The following RNF144B variants were observed in gnomAD, a reference collection of about 807,000 sequenced individuals.
The protein encoded by RNF144B is ring finger protein 144B, also known as E3 ubiquitin-protein ligase RNF144B.
Under a neutral mutation model 40.2 loss-of-function variants are expected in RNF144B, and 25 were observed. The ratio of observed to expected loss-of-function variants is 0.62; its 90% CI spans 0.45 to 0.87. The LOEUF (loss-of-function observed/expected upper bound fraction) is 0.87, where lower values mean the gene tolerates loss of function less well. Among genes scored for constraint, RNF144B ranks in the 40% least tolerant of loss-of-function variants. RNF144B has a pLI of 0.00. For synonymous variants in RNF144B, 145 were observed against 136.3 expected (o/e 1.06, Z -0.44); for missense variants, 365 against 373.7 (o/e 0.98, Z 0.19).
rs73377618 is a variant in RNF144B at position 18,425,135 on chromosome 6, C to T, written c.166-2446C>T. 9.4e-4 allele frequency among the ~76,000 whole-genome samples: 143 copies of T among 152,148 alleles called. No homozygotes were observed. Among genetic ancestry groups the T allele is most frequent in the African/African-American group, 3.3e-3 (136 of 41,512 alleles). The stretch of plus-strand genomic sequence containing the variant: ...TCCCTACTTTTTAAATTAAGGAAAG[C>T]AAGTCTAGGTCATAGGCTAAGTCAT... On this transcript the variant is annotated intron_variant, in intron 2 of 7. Transcript: ENST00000259939. The surrounding 1 kb of genome is among the most constrained non-coding windows in gnomAD (Gnocchi z 4.2).
rs1262370463 is a variant in RNF144B, at chr6:18,395,667, G to A, written c.-36-3832G>A. Among the ~76,000 whole-genome samples, 1 of 151,942 alleles carries A rather than the reference G, an allele frequency of 6.6e-6. No individual in the cohort carries two copies. The highest frequency in any genetic ancestry group is 2.4e-5 in the African/African-American group (1 of 41,342). On this transcript the variant is annotated intron_variant, in intron 1 of 7. Transcript: ENST00000259939. This position sits in a 1 kb window ranked among gnomAD's most constrained non-coding sequence, Gnocchi z 4.5. Reference sequence around the variant, plus strand: ...TTTTGCCCAAAGTGAGAAACGAAAGGGTTGGTTTTTAGTCTGTGCATGGTG... The same window carrying A: ...TTTTGCCCAAAGTGAGAAACGAAAGAGTTGGTTTTTAGTCTGTGCATGGTG...
chr6:18,443,084 A>G lies in RNF144B; in HGVS notation c.331+3340A>G, dbSNP rs1759000986. On this transcript the variant is annotated intron_variant, in intron 4 of 7. Transcript: ENST00000259939. This position sits in a 1 kb window ranked among gnomAD's most constrained non-coding sequence, Gnocchi z 4.7. ...GGGATCATGTGGTAATTTTACATTT[A>G]GTTTTTGAGGAACTGCCAAATTGTA... is the stretch of plus-strand genomic sequence containing the variant. Among the ~76,000 whole-genome samples the G allele has an allele frequency of 6.6e-6, 1 of 152,138 alleles. No individual in the cohort carries two copies. The highest frequency in any genetic ancestry group is 1.5e-5 in the Non-Finnish European group (1 of 68,018).
Position 18,442,110 on chromosome 6 carries a change from G to A in RNF144B, c.331+2366G>A, listed in dbSNP as rs562818806. On this transcript the variant is annotated intron_variant, in intron 4 of 7. Coordinates refer to ENST00000259939, the MANE Select transcript of RNF144B (RefSeq NM_182757.4). This position sits in a 1 kb window ranked among gnomAD's most constrained non-coding sequence, Gnocchi z 4.3. ...CGTTATGTGGGGCAAGGTAGATGTG[G>A]AAAATCATTGGCTAAGATTTCCACT... 1.3e-5 allele frequency among the ~76,000 whole-genome samples: 2 copies of A among 152,050 alleles called. No individual in the cohort carries two copies. The highest frequency in any genetic ancestry group is 6.5e-5 in the Admixed American group (1 of 15,282).
chr6:18,439,345 A>G (rs1758895586), intron 3 of RNF144B, among the ~76,000 whole-genome samples: 1 of 152,228 alleles, frequency 6.6e-6, no homozygotes, highest in African/African-American at 2.4e-5. Flanking sequence ...ATATAGAGAA[A>G]GGAAGCATCT....
chr6:18,455,177 G>A (rs1038652846), intron 4 of RNF144B, among the ~76,000 whole-genome samples: 5 of 152,140 alleles, frequency 3.3e-5, no homozygotes, highest in African/African-American at 1.2e-4. Context: ...GACTTCTTAA[G>A]GTTTTAGTGA....
intron 4 of RNF144B, among the ~76,000 whole-genome samples, chr6:18,440,642 A>C (rs1344292390): frequency 6.7e-6 from 1 of 150,180 alleles, no homozygotes; most frequent in Non-Finnish European, 1.5e-5. Flanking sequence ...TACCCTGAAA[A>C]ATAATTCTTA....
At chr6:18,454,704 C>G (rs993248227) in intron 4 of RNF144B, among the ~76,000 whole-genome samples, 3 of 152,058 alleles carry the variant, frequency 2.0e-5, no homozygotes, top group Non-Finnish European at 1.5e-5. Context: ...TACTAAGGTC[C>G]TTTCTTTATA....
In RNF144B at chr6:18,400,828, A is replaced by C. The variant is rs949189748; in HGVS notation, c.165+1129A>C. Among the ~76,000 whole-genome samples the C allele has an allele frequency of 1.3e-5, 2 of 152,128 alleles. No homozygotes were observed. Among genetic ancestry groups the C allele is most frequent in the Admixed American group, 1.3e-4 (2 of 15,274 alleles). Reference sequence around the variant, plus strand: ...CGTTGTGTAGGAGTTCAGGGCTTAGAGGATGTTGCTGTTTTAGGTAGGGGG... The same window carrying C: ...CGTTGTGTAGGAGTTCAGGGCTTAGCGGATGTTGCTGTTTTAGGTAGGGGG... On this transcript the variant is annotated intron_variant, in intron 2 of 7. Transcript: ENST00000259939. The surrounding 1 kb of genome is among the most constrained non-coding windows in gnomAD (Gnocchi z 5.6).
rs1476343123 is a variant in RNF144B, at chr6:18,458,662, T to C, written c.537-945T>C. Among the ~76,000 whole-genome samples, 4 of 152,180 alleles carry C rather than the reference T, an allele frequency of 2.6e-5. No individual in the cohort carries two copies. Among genetic ancestry groups the C allele is most frequent in the Non-Finnish European group, 4.4e-5 (3 of 68,028 alleles). On this transcript the variant is annotated intron_variant, in intron 5 of 7. Transcript: ENST00000259939. This position sits in a 1 kb window ranked among gnomAD's most constrained non-coding sequence, Gnocchi z 4.8. ...TATCTGTGTGTCTCATAGAAGCCAC[T>C]CAGCCTCTGTGAGTCTGTTTCCCTA...
intron 3 of RNF144B, among the ~76,000 whole-genome samples, chr6:18,439,355 T>C (rs1365421017): frequency 5.3e-5 from 8 of 152,206 alleles, no homozygotes; most frequent in Non-Finnish European, 1.0e-4. Flanking sequence ...AGGAAGCATC[T>C]TTAATACAGG....
intron 3 of RNF144B, among the ~76,000 whole-genome samples, chr6:18,432,271 G>T (rs1758711923): frequency 6.6e-6 from 1 of 152,170 alleles, no homozygotes; most frequent in African/African-American, 2.4e-5. Flanking sequence ...TTCAGATACT[G>T]AGGGATGACT....
At chr6:18,451,625 A>G (rs1436993238) in intron 4 of RNF144B, among the ~76,000 whole-genome samples, 2 of 152,326 alleles carry the variant, frequency 1.3e-5, no homozygotes, top group Admixed American at 6.5e-5. Context: ...GAATGTGACT[A>G]TAGAGGGATG....
At chr6:18,411,791 G>A (rs778962503) in intron 2 of RNF144B, among the ~76,000 whole-genome samples, 19 of 152,122 alleles carry the variant, frequency 1.2e-4, no homozygotes, top group Non-Finnish European at 2.2e-4. Context: ...ACCACGCCCA[G>A]CCCACCTGTA....
At position 18,406,250 on chromosome 6, in the gene RNF144B, G is replaced by A. The variant is rs1794901441; in HGVS notation, c.165+6551G>A. On this transcript the variant is annotated intron_variant, in intron 2 of 7. Coordinates refer to ENST00000259939, the MANE Select transcript of RNF144B (RefSeq NM_182757.4). The surrounding 1 kb of genome is among the most constrained non-coding windows in gnomAD (Gnocchi z 4.2). ...TGAGGGGGGTCAGGAGTGCTGTGGG[G>A]AAGAGGGACTTCTACTTTATTAGAT... 2.1e-6 allele frequency: 1 copy of A among 481,596 alleles called. No homozygotes were observed. The highest frequency in any genetic ancestry group is 1.5e-5 in the South Asian group (1 of 65,406). 29.8% of individuals were successfully genotyped at this position (481,596 alleles called of 1,614,324 possible). A position where few individuals can be genotyped will look rare whatever the true frequency, so the allele number is the denominator to read the frequency against.
intron 1 of RNF144B, chr6:18,396,459 G>A (rs1033597583): frequency 4.1e-6 from 4 of 983,206 alleles, no homozygotes; most frequent in East Asian, 2.3e-4. Context: ...TGGATTTCTC[G>A]AAGAGTACCT....
At position 18,398,835 on chromosome 6, in the gene RNF144B, A is replaced by G. The variant is rs1439137971; in HGVS notation, c.-36-664A>G. Among the ~76,000 whole-genome samples the G allele has an allele frequency of 5.3e-5, 8 of 152,154 alleles. No individual in the cohort carries two copies. Among genetic ancestry groups the G allele is most frequent in the Admixed American group, 5.2e-4 (8 of 15,280 alleles). ...GGTATATACCCGATTGCTGGATCAT[A>G]TGTTACCTCTTTGTTTAACTTTTTG... On this transcript the variant is annotated intron_variant, in intron 1 of 7. Transcript: ENST00000259939. The surrounding 1 kb of genome is among the most constrained non-coding windows in gnomAD (Gnocchi z 5.0).
chr6:18,451,718 A>T (rs1347867593), intron 4 of RNF144B, among the ~76,000 whole-genome samples: 1 of 152,250 alleles, frequency 6.6e-6, no homozygotes, highest in Non-Finnish European at 1.5e-5. Context: ...ATTTGAGTGG[A>T]TAGGAATGAG....
At chr6:18,449,961 A>G (rs1324065895) in intron 4 of RNF144B, among the ~76,000 whole-genome samples, 1 of 152,218 alleles carries the variant, frequency 6.6e-6, no homozygotes, top group Non-Finnish European at 1.5e-5. Flanking sequence ...AGTAGATGGA[A>G]AAACAAATTG....
chr6:18,432,395 A>G (rs1315067077), intron 3 of RNF144B, among the ~76,000 whole-genome samples: 2 of 152,318 alleles, frequency 1.3e-5, no homozygotes, highest in Middle Eastern at 6.8e-3. Flanking sequence ...TGAACACACT[A>G]GGAGCCAGGG....
Sources: gnomAD v4.1 joint callset for allele counts (sites outside exome capture counted in the v4.1 genomes callset) on GRCh38, gnomAD v4.1.1 for gene constraint, Gnocchi (gnomAD v3.1) non-coding constraint, MANE v1.5 for transcripts, NCBI Gene and HGNC (gene_info 2026-07-23, HGNC 2026-07-21) for gene names.